The following TNRC18 variants were observed in gnomAD, a reference collection of about 807,000 sequenced individuals.
The protein encoded by TNRC18 is trinucleotide repeat-containing gene 18 protein.
In TNRC18, 69 loss-of-function variants were observed where a neutral mutation model predicts 226.7. The observed-to-expected ratio is 0.30, with a 90% confidence interval of 0.25 to 0.37. The LOEUF is 0.37. TNRC18 is among the 10% of genes least tolerant of loss of function. TNRC18 has a pLI of 1.00. For missense variants in TNRC18, 4,754 were observed against 4,256.6 expected, an observed-to-expected ratio of 1.12 and a Z score of -3.25; for synonymous variants, 2,449 against 1,927.6, an observed-to-expected ratio of 1.27 and a Z score of -7.09.
intron 19 of TNRC18, among the ~76,000 whole-genome samples, chr7:5,327,908 G>C (rs928836081): frequency 2.0e-5 from 3 of 152,236 alleles, no homozygotes; most frequent in Admixed American, 2.0e-4. Context: ...GGCAGGCAGT[G>C]GGATGGCATT....
In TNRC18 at chr7:5,377,565, T is replaced by A; in HGVS notation, c.2267A>T (p.Glu756Val). 15 of 1,580,560 alleles carry A rather than the reference T, an allele frequency of 9.5e-6. No homozygotes were observed. Among genetic ancestry groups the A allele is most frequent in the Non-Finnish European group, 1.3e-5 (15 of 1,163,564 alleles). The change falls in exon 7 of 30, where the codon GAG becomes GTG. Residue 756 changes from glutamate (E) to valine (V), a missense_variant. Glu to Val is a moderately radical substitution (Grantham distance 121, BLOSUM62 -2). Coordinates refer to ENST00000430969, the MANE Select transcript of TNRC18 (RefSeq NM_001080495.3). The surrounding 1 kb of genome is among the most constrained non-coding windows in gnomAD (Gnocchi z 5.8). ...DQEKLLRESK[E>V]LADLARLHPT... ...GTGCAGGCGGGCCAGGTCAGCCAGC[T>A]CCTTACTCTCTCTGGAAGGAGGATC...
rs746661324 is a variant in TNRC18 at position 5,378,030 on chromosome 7, G to A, written c.2153-6C>T. 3.7e-6 allele frequency: 6 copies of A among 1,607,042 alleles called. No homozygotes were observed. The highest frequency in any genetic ancestry group is 2.7e-5 in the African/African-American group (2 of 74,830). ...CTCATCTGCTCGGCCGTGCCCTGCA[G>A]GGGGCCAGGTGGAAGTGAGCCCCCA... On this transcript the variant is annotated splice_polypyrimidine_tract_variant and splice_region_variant and intron_variant, in intron 5 of 29. Coordinates refer to ENST00000430969, the MANE Select transcript of TNRC18 (RefSeq NM_001080495.3).
chr7:5,367,956 C>A (rs1246507944), intron 11 of TNRC18, among the ~76,000 whole-genome samples: 3 of 151,122 alleles, frequency 2.0e-5, no homozygotes, highest in Non-Finnish European at 4.4e-5. Context: ...TTGGACCCAA[C>A]AGTTCTACCT....
At chr7:5,423,834 TAA>T (rs1259808024), upstream of TNRC18, among the ~76,000 whole-genome samples, 12 of 71,556 alleles carry the variant, frequency 1.7e-4, no homozygotes, top group Admixed American at 4.6e-4. Context: ...TCGCAGGATC[TAA>T]AAAAAAAAAA....
rs925100797 is a variant in TNRC18, at chr7:5,313,948, G to A, written c.7028-85C>T. ...GCTTTTATCAGAAAGGCCTGCTTCT[G>A]TGAGTTTTGTTTTTGTTTTTGTTTT... On this transcript the variant is annotated intron_variant, in intron 26 of 29. Coordinates refer to ENST00000430969, the MANE Select transcript of TNRC18 (RefSeq NM_001080495.3). The A allele has an allele frequency of 3.5e-5, 47 of 1,334,842 alleles. No individual in the cohort carries two copies. The South Asian group carries it at 7.0e-4, about 20-fold the overall frequency. 82.7% of individuals were successfully genotyped at this position (1,334,842 alleles called of 1,614,324 possible).
At chr7:5,319,392 A>G (rs116690978) in intron 24 of TNRC18, among the ~76,000 whole-genome samples, 2,081 of 152,156 alleles carry the variant, frequency 0.014, 42 homozygotes, top group African/African-American at 0.047. Flanking sequence ...CCCCCTCTCT[A>G]GGATACACTG....
intron 19 of TNRC18, among the ~76,000 whole-genome samples, chr7:5,325,794 T>C (rs1214969538): frequency 1.5e-5 from 2 of 136,848 alleles, no homozygotes; most frequent in East Asian, 2.2e-4. Flanking sequence ...CAGAGGACTG[T>C]GGCACCATCA....
intron 18 of TNRC18, among the ~76,000 whole-genome samples, chr7:5,335,460 T>C (rs1346373476): frequency 1.3e-5 from 2 of 151,136 alleles, no homozygotes; most frequent in Admixed American, 6.6e-5. Context: ...ATACAAAAAT[T>C]AGCCAGGCAT....
At chr7:5,361,524 C>G (rs1436606035) in intron 14 of TNRC18, 70 bp downstream of exon 14, 3 of 1,424,278 alleles carry the variant, frequency 2.1e-6, no homozygotes, top group Middle Eastern at 2.6e-4. Context: ...GAGGCAGGCC[C>G]TGCGTGGGGC....
chr7:5,356,825 AGGGGC>A, intron 16 of TNRC18, 86 bp downstream of exon 16: 1 of 1,086,264 alleles, frequency 9.2e-7, no homozygotes, highest in Non-Finnish European at 1.2e-6. Context: ...AGAGAGAGTG[AGGGGC>A]GGGGGGGGAA....
chr7:5,356,825 AG>A lies in TNRC18; in HGVS notation c.5194+90del. Reference sequence around the variant, plus strand: ...GAGAGCGAGAGCGAGAGAGAGAGTGAGGGGCGGGGGGGGAAGGAGGACGGTG... The same window carrying A: ...GAGAGCGAGAGCGAGAGAGAGAGTGAGGGCGGGGGGGGAAGGAGGACGGTG... On this transcript the variant is annotated intron_variant, in intron 16 of 29. Coordinates refer to ENST00000430969, the MANE Select transcript of TNRC18 (RefSeq NM_001080495.3). The A allele has an allele frequency of 9.2e-6, 10 of 1,086,304 alleles. No individual in the cohort carries two copies. In the African/African-American group the frequency reaches 1.0e-4, roughly 11 times the overall value. The allele number at this position is 1,086,304 out of a possible 1,614,324, so 67.3% of individuals were successfully genotyped here.
chr7:5,350,179 T>C (rs1253034178), intron 17 of TNRC18, among the ~76,000 whole-genome samples: 1 of 150,482 alleles, frequency 6.6e-6, no homozygotes, highest in Admixed American at 6.6e-5. Flanking sequence ...ACCCAGCTCA[T>C]CCACGGACAG....
chr7:5,324,025 C>T lies in TNRC18; in HGVS notation c.6442+189G>A, dbSNP rs1467800353. On this transcript the variant is annotated intron_variant, in intron 21 of 29. Transcript: ENST00000430969. This position sits in a 1 kb window ranked among gnomAD's most constrained non-coding sequence, Gnocchi z 4.8. ...CAGGGCCGCTCTCTTGCCTCATCTG[C>T]AGTTGACTAAGCTGCAGCCAGTCCA... is the stretch of plus-strand genomic sequence containing the variant. 1.3e-5 allele frequency among the ~76,000 whole-genome samples: 2 copies of T among 152,254 alleles called. No individual in the cohort carries two copies. Among genetic ancestry groups the T allele is most frequent in the Admixed American group, 6.5e-5 (1 of 15,280 alleles).
chr7:5,349,369 G>A (rs1791545842), intron 17 of TNRC18, among the ~76,000 whole-genome samples: 1 of 152,104 alleles, frequency 6.6e-6, no homozygotes, highest in African/African-American at 2.4e-5. Context: ...ACAGGGAGGG[G>A]GGAAAAAAGT....
chr7:5,386,976 A>G (rs973511420), intron 5 of TNRC18, among the ~76,000 whole-genome samples: 2 of 152,296 alleles, frequency 1.3e-5, no homozygotes, highest in East Asian at 3.9e-4. Flanking sequence ...CTGGAGGCTG[A>G]GCCAGGAGAA....
chr7:5,309,092 C>G lies in TNRC18; in HGVS notation c.8625+40G>C. ...GCCTCGCCCTCAGGTCTGCCCTACACCGCCTAGGACTGGGGGCCGCAGCCG... is the reference window on the plus strand; with the variant it reads ...GCCTCGCCCTCAGGTCTGCCCTACAGCGCCTAGGACTGGGGGCCGCAGCCG... On this transcript the variant is annotated intron_variant, in intron 28 of 29. Coordinates refer to ENST00000430969, the MANE Select transcript of TNRC18 (RefSeq NM_001080495.3). The surrounding 1 kb of genome is among the most constrained non-coding windows in gnomAD (Gnocchi z 5.7). The G allele has an allele frequency of 6.4e-7, 1 of 1,554,734 alleles. No individual in the cohort carries two copies. Among genetic ancestry groups the G allele is most frequent in the Non-Finnish European group, 8.7e-7 (1 of 1,146,348 alleles).
chr7:5,375,874 G>A (rs770835448), intron 9 of TNRC18, among the ~76,000 whole-genome samples, 160 bp downstream of exon 9: 9 of 152,180 alleles, frequency 5.9e-5, no homozygotes, highest in Admixed American at 1.3e-4. Context: ...TCCAGGTCTC[G>A]GTTCCACTGC....
chr7:5,329,170 G>A (rs764754612), intron 19 of TNRC18, among the ~76,000 whole-genome samples: 3 of 151,994 alleles, frequency 2.0e-5, no homozygotes, highest in Non-Finnish European at 4.4e-5. Flanking sequence ...GAGCATGGTG[G>A]TGAGCGCCTG....
At chr7:5,407,910 A>T (rs897650349) in intron 2 of TNRC18, among the ~76,000 whole-genome samples, 18 of 152,198 alleles carry the variant, frequency 1.2e-4, no homozygotes, top group African/African-American at 4.3e-4. Flanking sequence ...GCCTCTTAGC[A>T]GAGACAAAAG....
Sources: gnomAD v4.1 joint callset for allele counts (sites outside exome capture counted in the v4.1 genomes callset) on GRCh38, gnomAD v4.1.1 for gene constraint, Gnocchi (gnomAD v3.1) non-coding constraint, MANE v1.5 for transcripts, NCBI Gene and HGNC (gene_info 2026-07-23, HGNC 2026-07-21) for gene names.